The following TSPAN17 variants were observed in gnomAD, a reference collection of about 807,000 sequenced individuals.
The protein encoded by TSPAN17 is tetraspanin-17.
Under a neutral mutation model 40.5 loss-of-function variants are expected in TSPAN17, and 33 were observed. The observed-to-expected ratio is 0.81, with a 90% confidence interval of 0.62 to 1.09. TSPAN17 has a LOEUF of 1.09. Among genes scored for constraint, TSPAN17 ranks in the 50% least tolerant of loss-of-function variants. The pLI, the probability that TSPAN17 is intolerant of heterozygous loss-of-function variation, is 0.00. For missense variants in TSPAN17, 365 were observed against 416.8 expected, an observed-to-expected ratio of 0.88 and a Z score of 1.08; for synonymous variants, 166 against 169.4, an observed-to-expected ratio of 0.98 and a Z score of 0.15.
At position 176,652,839 on chromosome 5, in the gene TSPAN17, TTCA is replaced by T; in HGVS notation, c.386_388del (p.Ile129del). ...CTGGATTCGAGACCAGCTCAACCTC[TTCA>T]TCAACAACAACGTCAAGGCCTACCG... On this transcript the variant is annotated inframe_deletion, in exon 4 of 9. Transcript: ENST00000508164. 1 of 1,614,172 alleles carries T rather than the reference TTCA, an allele frequency of 6.2e-7. No homozygotes were observed. Among genetic ancestry groups the T allele is most frequent in the Non-Finnish European group, 8.5e-7 (1 of 1,180,014 alleles).
At chr5:176,657,470 G>A (rs1194372214) in intron 8 of TSPAN17, 48 bp from the exon 9 acceptor site, 2 of 1,551,346 alleles carry the variant, frequency 1.3e-6, no homozygotes, top group Admixed American at 3.9e-5. Context: ...CAGTGTCCCA[G>A]ACTCTGAAAT....
chr5:176,647,991 C>T (rs772835485), intron 1 of TSPAN17, among the ~76,000 whole-genome samples: 3 of 152,164 alleles, frequency 2.0e-5, no homozygotes, highest in Non-Finnish European at 4.4e-5. Context: ...TTGAAGACCC[C>T]AGGGGCGTGC....
rs750692914 is a variant in TSPAN17, at chr5:176,654,755, G to T, written c.457-140G>T. On this transcript the variant is annotated intron_variant, in intron 4 of 8. Transcript: ENST00000508164. This position sits in a 1 kb window ranked among gnomAD's most constrained non-coding sequence, Gnocchi z 4.3. ...GGAGGTTGGGCCCAGGCCTGTGGGGGTGGGGAGGTGGCCACCCACTTGGCT... is the reference window on the plus strand; with the variant it reads ...GGAGGTTGGGCCCAGGCCTGTGGGGTTGGGGAGGTGGCCACCCACTTGGCT... 9.3e-7 allele frequency: 1 copy of T among 1,072,810 alleles called. No individual in the cohort carries two copies. The highest frequency in any genetic ancestry group is 2.5e-5 in the Admixed American group (1 of 39,242). The allele number at this position is 1,072,810 out of a possible 1,614,324, so 66.5% of individuals were successfully genotyped here.
chr5:176,656,807 C>T lies in TSPAN17; in HGVS notation c.738C>T (p.Ala246=), dbSNP rs1761172857. The stretch of plus-strand genomic sequence containing the variant: ...TGGCGGGAGTCTTCATGGGCATCGC[C>T]CTCCTCCAGGTACCCTTGTGGCCCC... ...IVVAGVFMGI[A]LLQIFGICLA... The change falls in exon 7 of 9, where the codon GCC becomes GCT. Residue 246 remains alanine, a synonymous_variant. Coordinates refer to ENST00000508164, the MANE Select transcript of TSPAN17 (RefSeq NM_130465.5). The T allele has an allele frequency of 6.2e-7, 1 of 1,614,106 alleles. No homozygotes were observed. The highest frequency in any genetic ancestry group is 1.1e-5 in the South Asian group (1 of 91,088).
rs1287790048 is a variant in TSPAN17, at chr5:176,651,258, GC to G, written c.88-357del. Among the ~76,000 whole-genome samples, 2 of 152,174 alleles carry G rather than the reference GC, an allele frequency of 1.3e-5. No individual in the cohort carries two copies. The highest frequency in any genetic ancestry group is 4.8e-5 in the African/African-American group (2 of 41,426). ...CTAGGAGCCTGGAACCCCAGCACCAGCTTCGGTCAGGTGTAGAGGCTCAGTA... is the reference window on the plus strand; with the variant it reads ...CTAGGAGCCTGGAACCCCAGCACCAGTTCGGTCAGGTGTAGAGGCTCAGTA... On this transcript the variant is annotated intron_variant, in intron 1 of 8. Transcript: ENST00000508164. The surrounding 1 kb of genome is among the most constrained non-coding windows in gnomAD (Gnocchi z 4.5).
At position 176,658,043 on chromosome 5, in the gene TSPAN17, T is replaced by G; in HGVS notation, c.*345T>G. 1 of 198,142 alleles carries G rather than the reference T, an allele frequency of 5.0e-6. No individual in the cohort carries two copies. Among genetic ancestry groups the G allele is most frequent in the Non-Finnish European group, 1.0e-5 (1 of 98,614 alleles). 12.3% of individuals were successfully genotyped at this position (198,142 alleles called of 1,614,324 possible). A position where few individuals can be genotyped will look rare whatever the true frequency, so the allele number is the denominator to read the frequency against. ...TGGGAGTAGAGTGCCCAGGAGAGGGTCTGAGGGGTGGGATGGGGGTCAGGA... is the reference window on the plus strand; with the variant it reads ...TGGGAGTAGAGTGCCCAGGAGAGGGGCTGAGGGGTGGGATGGGGGTCAGGA... On this transcript the variant is annotated 3_prime_UTR_variant, in exon 9 of 9. Transcript: ENST00000508164.
chr5:176,651,835 A>C lies in TSPAN17; in HGVS notation c.220A>C (p.Met74Leu). 6.2e-7 allele frequency: 1 copy of C among 1,614,072 alleles called. No homozygotes were observed. Among genetic ancestry groups the C allele is most frequent in the Non-Finnish European group, 8.5e-7 (1 of 1,179,990 alleles). The change falls in exon 3 of 9, where the codon ATG (methionine) becomes CTG (leucine). Residue 74 changes from methionine (M) to leucine (L), a missense_variant. Physicochemically the swap from Met to Leu is conservative, Grantham distance 15. Coordinates refer to ENST00000508164, the MANE Select transcript of TSPAN17 (RefSeq NM_130465.5). The surrounding 1 kb of genome is among the most constrained non-coding windows in gnomAD (Gnocchi z 4.5). ...VWLFVVVGGV[M>L]SVLGFAGCIG... ...GCTGTTTGTGGTAGTTGGAGGCGTC[A>C]TGTCGGTGCTGGGCTTTGCTGGCTG...
rs1761088106 is a variant in TSPAN17 at position 176,654,805 on chromosome 5, C to A, written c.457-90C>A. 2 of 1,517,446 alleles carry A rather than the reference C, an allele frequency of 1.3e-6. No homozygotes were observed. Among genetic ancestry groups the A allele is most frequent in the Middle Eastern group, 1.7e-4 (1 of 5,780 alleles). The allele number at this position is 1,517,446 out of a possible 1,614,324, so 94.0% of individuals were successfully genotyped here. ...TGTCCCAGCCCTGTCCCAGACAGCC[C>A]TGTATTCCTGCAGCCTGGGCTTGTT... On this transcript the variant is annotated intron_variant, in intron 4 of 8. Coordinates refer to ENST00000508164, the MANE Select transcript of TSPAN17 (RefSeq NM_130465.5). This position sits in a 1 kb window ranked among gnomAD's most constrained non-coding sequence, Gnocchi z 4.3.
chr5:176,652,820 T>A lies in TSPAN17; in HGVS notation c.363T>A (p.Ile121=). The change falls in exon 4 of 9, where the codon ATT becomes ATA. Residue 121 remains isoleucine, a synonymous_variant. Transcript: ENST00000508164. The part of the protein sequence containing the change: ...GILAFVFKDW[I]RDQLNLFINN... Reference sequence around the variant, plus strand: ...TGGCCTTTGTCTTCAAGGACTGGATTCGAGACCAGCTCAACCTCTTCATCA... The same window carrying A: ...TGGCCTTTGTCTTCAAGGACTGGATACGAGACCAGCTCAACCTCTTCATCA... 6.2e-7 allele frequency: 1 copy of A among 1,614,202 alleles called. No individual in the cohort carries two copies. The highest frequency in any genetic ancestry group is 8.5e-7 in the Non-Finnish European group (1 of 1,180,018).
Position 176,651,812 on chromosome 5 carries a change from T to TG in TSPAN17, c.198dup (p.Phe67ValfsTer75), listed in dbSNP as rs1760976200. ...CTGGGAGGCCTTGACCCCGTGTGGC[T>TG]GTTTGTGGTAGTTGGAGGCGTCATG... On this transcript the variant is annotated frameshift_variant, in exon 3 of 9. Coordinates refer to ENST00000508164, the MANE Select transcript of TSPAN17 (RefSeq NM_130465.5). LOFTEE classifies it high-confidence loss of function. This position sits in a 1 kb window ranked among gnomAD's most constrained non-coding sequence, Gnocchi z 4.5. The TG allele has an allele frequency of 6.2e-7, 1 of 1,614,030 alleles. No homozygotes were observed. The highest frequency in any genetic ancestry group is 1.3e-5 in the African/African-American group (1 of 74,920).
chr5:176,648,197 T>C (rs544351239), intron 1 of TSPAN17, among the ~76,000 whole-genome samples: 9 of 151,914 alleles, frequency 5.9e-5, no homozygotes, highest in African/African-American at 1.9e-4. Context: ...CAGAGTGGGG[T>C]GGGTCACAGT....
rs1761024326 is a variant in TSPAN17 at position 176,652,895 on chromosome 5, T to C, written c.438T>C (p.Ile146=). The change falls in exon 4 of 9, where the codon ATT becomes ATC. Residue 146 remains isoleucine, a synonymous_variant. Transcript: ENST00000508164. ...ACGACATTGACCTCCAGAACCTCAT[T>C]GACTTTGCTCAGGAATACGTGAGTC... ...YRDDIDLQNL[I]DFAQEYWSCC... The C allele has an allele frequency of 2.5e-6, 4 of 1,614,090 alleles. No homozygotes were observed. The South Asian group carries it at 3.3e-5, about 13-fold the overall frequency.
In TSPAN17 at chr5:176,658,521, C is replaced by T. The variant is rs2087210; in HGVS notation, c.*823C>T. ...TGGGAGCCTGCTTCACTTTGACTTT[C>T]CCACTGTTGCTGGAGACAAAGACAT... On this transcript the variant is annotated 3_prime_UTR_variant, in exon 9 of 9. Transcript: ENST00000508164. The T allele has an allele frequency of 0.27, 41,168 of 152,188 alleles. 5,728 individuals carry two copies. The highest frequency in any genetic ancestry group is 0.5 in the East Asian group (2,558 of 5,162). 9.4% of individuals were successfully genotyped at this position (152,188 alleles called of 1,614,324 possible).
chr5:176,649,646 C>G (rs1425420880), intron 1 of TSPAN17, among the ~76,000 whole-genome samples: 1 of 152,118 alleles, frequency 6.6e-6, no homozygotes, highest in Non-Finnish European at 1.5e-5. Context: ...AGGCTGGTCT[C>G]GAACTCCTGA....
In TSPAN17 at chr5:176,651,766, A is replaced by C; in HGVS notation, c.151A>C (p.Asn51His). The C allele has an allele frequency of 6.2e-7, 1 of 1,614,104 alleles. No individual in the cohort carries two copies. Among genetic ancestry groups the C allele is most frequent in the Non-Finnish European group, 8.5e-7 (1 of 1,179,982 alleles). The stretch of plus-strand genomic sequence containing the variant: ...CTGCCCGGCACAGGGCGTTCTCTCG[A>C]ACATCTCAGCGCTGACAGATCTGGG... ...WAWGEKGVLS[N>H]ISALTDLGGL... Residue 51 changes from asparagine (N) to histidine (H), a missense_variant, in exon 3 of 9, where the codon AAC becomes CAC. Coordinates refer to ENST00000508164, the MANE Select transcript of TSPAN17 (RefSeq NM_130465.5). This position sits in a 1 kb window ranked among gnomAD's most constrained non-coding sequence, Gnocchi z 4.5.
chr5:176,649,547 C>A (rs1264933344), intron 1 of TSPAN17, among the ~76,000 whole-genome samples: 1 of 152,030 alleles, frequency 6.6e-6, no homozygotes, highest in Non-Finnish European at 1.5e-5. Flanking sequence ...CCTGCCTCAG[C>A]CTCCCAAGTA....
In TSPAN17 at chr5:176,654,613, C is replaced by G. The variant is rs1297440956; in HGVS notation, c.457-282C>G. 2.5e-6 allele frequency: 1 copy of G among 407,682 alleles called. No individual in the cohort carries two copies. The highest frequency in any genetic ancestry group is 4.9e-5 in the East Asian group (1 of 20,254). The allele number at this position is 407,682 out of a possible 1,614,324, so 25.3% of individuals were successfully genotyped here. On this transcript the variant is annotated intron_variant, in intron 4 of 8. Coordinates refer to ENST00000508164, the MANE Select transcript of TSPAN17 (RefSeq NM_130465.5). The surrounding 1 kb of genome is among the most constrained non-coding windows in gnomAD (Gnocchi z 4.3). ...TGCCTCTCAGGTAGTCTGGAGGAAG[C>G]CACAGTCATTGAACCAGTATCCTTG...
intron 8 of TSPAN17, chr5:176,657,221 A>G (rs1761194642): frequency 3.2e-6 from 2 of 622,066 alleles, no homozygotes; most frequent in Admixed American, 6.0e-5. Context: ...TCTCGGCTAC[A>G]TTTGGGGTGG....
At position 176,657,814 on chromosome 5, in the gene TSPAN17, A is replaced by C. The variant is rs1477752925; in HGVS notation, c.*116A>C. On this transcript the variant is annotated 3_prime_UTR_variant, in exon 9 of 9. Transcript: ENST00000508164. The stretch of plus-strand genomic sequence containing the variant: ...TGCCTCCCCAGTCACCAAGGGCCCC[A>C]GCTGGCCCGTTCTACTCACCTAAGT... The C allele has an allele frequency of 6.7e-7, 1 of 1,498,548 alleles. No homozygotes were observed. The highest frequency in any genetic ancestry group is 8.9e-7 in the Non-Finnish European group (1 of 1,125,914). 92.8% of individuals were successfully genotyped at this position (1,498,548 alleles called of 1,614,324 possible).
Sources: gnomAD v4.1 joint callset for allele counts (sites outside exome capture counted in the v4.1 genomes callset) on GRCh38, gnomAD v4.1.1 for gene constraint, Gnocchi (gnomAD v3.1) non-coding constraint, MANE v1.5 for transcripts, NCBI Gene and HGNC (gene_info 2026-07-23, HGNC 2026-07-21) for gene names.